The following ITSN1 variants were observed in gnomAD, a reference collection of about 807,000 sequenced individuals.
ITSN1 encodes the protein intersectin-1.
A neutral mutation model predicts 239.8 loss-of-function variants in ITSN1; 58 were observed. The ratio of observed to expected loss-of-function variants is 0.24; its 90% CI spans 0.20 to 0.30. The LOEUF is 0.30. Among genes scored for constraint, ITSN1 ranks in the 10% least tolerant of loss-of-function variants. ITSN1 has a pLI of 1.00. For missense variants in ITSN1, 1,558 were observed against 2,103.3 expected, an observed-to-expected ratio of 0.74 and a Z score of 5.07; for synonymous variants, 780 against 770.8, an observed-to-expected ratio of 1.01 and a Z score of -0.20.
At chr21:33,834,540 C>A in intron 28 of ITSN1, 116 bp downstream of exon 28, 1 of 738,552 alleles carries the variant, frequency 1.4e-6, no homozygotes, top group South Asian at 1.6e-5. Context: ...AAAGCACTTC[C>A]TGTACTTGCT....
In ITSN1 at chr21:33,829,696, T is replaced by C; in HGVS notation, c.3302T>C (p.Ile1101Thr). Residue 1101 changes from isoleucine to threonine, a missense_variant, in exon 27 of 40, where the codon ATT becomes ACT. Around this residue, in one of 2 missense-constraint regions of ITSN1, gnomAD observed 576 missense variants for 893.3 expected, o/e 0.64. Coordinates refer to ENST00000381318, the MANE Select transcript of ITSN1 (RefSeq NM_003024.3). ...CTCACTCTCGCCCCTGGTCAGCTGA[T>C]TTTGATCCGAAAAAAGAACCCAGGT... ...EQLTLAPGQL[I>T]LIRKKNPGGW... is the part of the protein sequence containing the mutation. The C allele has an allele frequency of 6.2e-7, 1 of 1,613,212 alleles. No homozygotes were observed. The highest frequency in any genetic ancestry group is 8.5e-7 in the Non-Finnish European group (1 of 1,179,964).
Position 33,888,520 on chromosome 21 carries a change from G to T in ITSN1, c.*220G>T. 1.9e-6 allele frequency: 1 copy of T among 539,210 alleles called. No homozygotes were observed. Among genetic ancestry groups the T allele is most frequent in the Non-Finnish European group, 3.3e-6 (1 of 304,942 alleles). 33.4% of individuals were successfully genotyped at this position (539,210 alleles called of 1,614,324 possible). A position where few individuals can be genotyped will look rare whatever the true frequency, so the allele number is the denominator to read the frequency against. ...ATGAAACAAAGCTGTGTTTTCCTTT[G>T]TCCTCACTACAGGTCTCATTATGGC... On this transcript the variant is annotated 3_prime_UTR_variant, in exon 40 of 40. Transcript: ENST00000381318.
chr21:33,819,143 G>T (rs931094322), intron 23 of ITSN1, 98 bp from the exon 24 acceptor site: 5 of 875,230 alleles, frequency 5.7e-6, no homozygotes, highest in Admixed American at 2.3e-5. Flanking sequence ...GTCGTTTAAA[G>T]TTTTAAAAGT....
intron 33 of ITSN1, among the ~76,000 whole-genome samples, chr21:33,869,305 T>C (rs1322929401): frequency 1.3e-5 from 2 of 152,142 alleles, no homozygotes; most frequent in African/African-American, 2.4e-5. Flanking sequence ...CTTCACATAA[T>C]GGCAAGAAGG....
intron 30 of ITSN1, 54 bp downstream of exon 30, chr21:33,856,911 G>C (rs1979451846): frequency 1.9e-6 from 3 of 1,550,284 alleles, no homozygotes; most frequent in Non-Finnish European, 2.7e-6. Flanking sequence ...CGGAGGGAGA[G>C]GGGAGGGTTC....
At position 33,839,237 on chromosome 21, in the gene ITSN1, C is replaced by T. The variant is rs545006316; in HGVS notation, c.3661+2605C>T. Among the ~76,000 whole-genome samples, 40 of 152,294 alleles carry T rather than the reference C, an allele frequency of 2.6e-4. No homozygotes were observed. In the East Asian group the frequency reaches 7.5e-3, roughly 29 times the overall value. ...GAACAAACAGAAAACCAAACTCCTG[C>T]AATCCATATAAATATGCACGGTATG... On this transcript the variant is annotated intron_variant, in intron 29 of 39. Coordinates refer to ENST00000381318, the MANE Select transcript of ITSN1 (RefSeq NM_003024.3).
chr21:33,804,618 T>C (rs2072263433), intron 20 of ITSN1, among the ~76,000 whole-genome samples: 1 of 152,288 alleles, frequency 6.6e-6, no homozygotes, highest in Middle Eastern at 3.4e-3. Flanking sequence ...CCTCTCTTGA[T>C]CTGGAACTCC....
chr21:33,831,329 A>AG (rs1258016761), intron 27 of ITSN1, among the ~76,000 whole-genome samples: 1 of 152,102 alleles, frequency 6.6e-6, no homozygotes, highest in Non-Finnish European at 1.5e-5. Flanking sequence ...TGCGTAACAC[A>AG]GGGGGGCCTC....
Position 33,886,471 on chromosome 21 carries a change from C to A in ITSN1, c.5017+11C>A. On this transcript the variant is annotated intron_variant, in intron 39 of 39. Transcript: ENST00000381318. ...AGTTCTCACCAGATGGTGAGTGGAA[C>A]GCGGCCCTGTGGTTATTCCTCCTTC... 6.5e-7 allele frequency: 1 copy of A among 1,546,102 alleles called. No individual in the cohort carries two copies. Among genetic ancestry groups the A allele is most frequent in the South Asian group, 1.2e-5 (1 of 81,278 alleles).
intron 22 of ITSN1, among the ~76,000 whole-genome samples, chr21:33,814,992 G>T (rs534652598): frequency 1.3e-5 from 2 of 152,326 alleles, no homozygotes; most frequent in African/African-American, 4.8e-5. Context: ...GAGAATAAGG[G>T]CCCACCTTAA....
At position 33,882,613 on chromosome 21, in the gene ITSN1, G is replaced by C. The variant is rs1185506027; in HGVS notation, c.4554+158G>C. On this transcript the variant is annotated intron_variant, in intron 35 of 39. Transcript: ENST00000381318. This position sits in a 1 kb window ranked among gnomAD's most constrained non-coding sequence, Gnocchi z 4.5. The stretch of plus-strand genomic sequence containing the variant: ...ATTTAGGGTGTCCGGAGTGGAGGAC[G>C]ATCCATATCCCGCCGCAGTGTCAGT... Among the ~76,000 whole-genome samples the C allele has an allele frequency of 2.0e-5, 3 of 152,144 alleles. No individual in the cohort carries two copies. Among genetic ancestry groups the C allele is most frequent in the South Asian group, 2.1e-4 (1 of 4,828 alleles).
At position 33,895,528 on chromosome 21, in the gene ITSN1, T is replaced by C. The variant is rs1206004280; in HGVS notation, c.*7228T>C. ...GTGCGCGTGTTTGTGTGTGCATGTGTGTGTGTCTACGTGTGTGTGCACGCA... is the reference window on the plus strand; with the variant it reads ...GTGCGCGTGTTTGTGTGTGCATGTGCGTGTGTCTACGTGTGTGTGCACGCA... On this transcript the variant is annotated 3_prime_UTR_variant, in exon 40 of 40. Coordinates refer to ENST00000381318, the MANE Select transcript of ITSN1 (RefSeq NM_003024.3). 3.4e-5 allele frequency: 3 copies of C among 89,176 alleles called. No homozygotes were observed. Among genetic ancestry groups the C allele is most frequent in the African/African-American group, 1.2e-4 (3 of 24,154 alleles). The allele number at this position is 89,176 out of a possible 1,614,324, so 5.5% of individuals were successfully genotyped here.
intron 18 of ITSN1, among the ~76,000 whole-genome samples, chr21:33,799,149 A>G (rs1282581935): frequency 6.6e-6 from 1 of 152,200 alleles, no homozygotes; most frequent in African/African-American, 2.4e-5. Flanking sequence ...AGAATCCAAA[A>G]TATCCTCCGC....
chr21:33,847,490 T>G (rs956699123), intron 29 of ITSN1, among the ~76,000 whole-genome samples: 2 of 152,216 alleles, frequency 1.3e-5, no homozygotes, highest in African/African-American at 2.4e-5. Flanking sequence ...TAGGTTTTAT[T>G]CTTGATAGGG....
At position 33,711,035 on chromosome 21, in the gene ITSN1, A is replaced by G. The variant is rs190799891; in HGVS notation, c.-32-7762A>G. ...CTCGATCTCCTGACCTCGTGATCCC[A>G]AAGTGCTGGGATTACAGGCATGAGC... On this transcript the variant is annotated intron_variant, in intron 1 of 39. Coordinates refer to ENST00000381318, the MANE Select transcript of ITSN1 (RefSeq NM_003024.3). 1.8e-3 allele frequency among the ~76,000 whole-genome samples: 276 copies of G among 152,198 alleles called. 1 individual carries two copies. The highest frequency in any genetic ancestry group is 6.5e-3 in the African/African-American group (270 of 41,532).
At chr21:33,814,145 G>A in intron 22 of ITSN1, 73 bp downstream of exon 22, 1 of 1,516,636 alleles carries the variant, frequency 6.6e-7, no homozygotes, top group Non-Finnish European at 9.0e-7. Flanking sequence ...AATGCTTTTT[G>A]GCAATGTCAT....
chr21:33,827,576 A>G (rs2834268), intron 26 of ITSN1, among the ~76,000 whole-genome samples: 26,877 of 152,038 alleles, frequency 0.18, 2,916 homozygotes, highest in Non-Finnish European at 0.22. Flanking sequence ...GACACAAACA[A>G]TGGAGAAGAT....
At chr21:33,679,147 C>G (rs1568918904) in intron 1 of ITSN1, among the ~76,000 whole-genome samples, 1 of 152,042 alleles carries the variant, frequency 6.6e-6, no homozygotes, top group Non-Finnish European at 1.5e-5. Flanking sequence ...AGAGTGTTTC[C>G]CGAATCATAA....
At chr21:33,704,341 T>G (rs1004740303) in intron 1 of ITSN1, among the ~76,000 whole-genome samples, 4 of 152,214 alleles carry the variant, frequency 2.6e-5, no homozygotes, top group African/African-American at 9.6e-5. Context: ...CTTCTTTCGT[T>G]TTCCAGTGCC....
Sources: allele counts gnomAD v4.1 joint callset (sites outside exome capture counted in the v4.1 genomes callset), GRCh38; gene constraint gnomAD v4.1.1; regional missense constraint gnomAD v4.1.1; non-coding constraint Gnocchi (gnomAD v3.1); transcripts MANE v1.5; gene names NCBI Gene and HGNC (gene_info 2026-07-23, HGNC 2026-07-21).